STXBP4: variants seen among roughly 807,000 people sequenced by gnomAD.
STXBP4 encodes the protein syntaxin-binding protein 4.
A neutral mutation model predicts 76.1 loss-of-function variants in STXBP4; 55 were observed. The ratio of observed to expected loss-of-function variants is 0.72; its 90% CI spans 0.58 to 0.91. The LOEUF is 0.91. Among genes scored for constraint, STXBP4 ranks in the 40% least tolerant of loss-of-function variants. The pLI is 0.00. For synonymous variants in STXBP4, 201 were observed against 220.2 expected, an observed-to-expected ratio of 0.91 and a Z score of 0.77; for missense variants, 618 against 636.9, an observed-to-expected ratio of 0.97 and a Z score of 0.32.
intron 12 of STXBP4, among the ~76,000 whole-genome samples, chr17:55,061,507 A>T (rs2078994498): frequency 6.6e-6 from 1 of 152,196 alleles, no homozygotes; most frequent in Admixed American, 6.5e-5. Context: ...TTCTAAAAGC[A>T]TGCTGTAGTA....
intron 16 of STXBP4, among the ~76,000 whole-genome samples, chr17:55,086,355 G>A (rs1054812902): frequency 6.6e-6 from 1 of 152,082 alleles, no homozygotes; most frequent in Non-Finnish European, 1.5e-5. Flanking sequence ...AGAGTAACTA[G>A]CATATCTATC....
the STXBP4 span, among the ~76,000 whole-genome samples, chr17:55,201,339 T>C: frequency 6.6e-6 from 1 of 151,930 alleles, no homozygotes; most frequent in Non-Finnish European, 1.5e-5. Context: ...GTGAGTATTA[T>C]GTTTTATTCA....
chr17:55,043,323 A>C lies in STXBP4; in HGVS notation c.943A>C (p.Lys315Gln). Residue 315 changes from lysine to glutamine, a missense_variant and splice_region_variant, in exon 11 of 18, where the codon AAG (lysine) becomes CAG (glutamine). By Grantham distance (53) the Lys-to-Gln change is moderately conservative. Coordinates refer to ENST00000376352, the MANE Select transcript of STXBP4 (RefSeq NM_178509.6). ...DDALKEVNTL[K>Q]EKLLESDKQR... is the part of the protein sequence containing the mutation. ...TGCCTTGAAAGAAGTAAATACACTTAAGGTAACCTCTAATTTAGTTTCCTT... is the reference window on the plus strand; with the variant it reads ...TGCCTTGAAAGAAGTAAATACACTTCAGGTAACCTCTAATTTAGTTTCCTT... 6.8e-7 allele frequency: 1 copy of C among 1,479,012 alleles called. No individual in the cohort carries two copies. Among genetic ancestry groups the C allele is most frequent in the Non-Finnish European group, 9.0e-7 (1 of 1,105,834 alleles). The allele number at this position is 1,479,012 out of a possible 1,614,324, so 91.6% of individuals were successfully genotyped here. A position where few individuals can be genotyped will look rare whatever the true frequency, so the allele number is the denominator to read the frequency against.
chr17:55,188,564 C>T, the STXBP4 span, among the ~76,000 whole-genome samples: 1 of 152,208 alleles, frequency 6.6e-6, no homozygotes, highest in Non-Finnish European at 1.5e-5. Flanking sequence ...CTGCCACTAA[C>T]AGAAGGGCCC....
At chr17:55,146,390 T>G (rs2080153715) in intron 17 of STXBP4, among the ~76,000 whole-genome samples, 1 of 152,180 alleles carries the variant, frequency 6.6e-6, no homozygotes, top group Non-Finnish European at 1.5e-5. Flanking sequence ...TTGTAGTCAC[T>G]CTGTTAGCTA....
chr17:55,078,293 C>G (rs551298159), intron 14 of STXBP4, 99 bp downstream of exon 14: 27 of 781,548 alleles, frequency 3.5e-5, no homozygotes, highest in Non-Finnish European at 5.2e-5. Context: ...GAAACATTCT[C>G]TAGTCTCAAA....
At chr17:55,039,220 G>T (rs182521751) in intron 10 of STXBP4, among the ~76,000 whole-genome samples, 4 of 152,154 alleles carry the variant, frequency 2.6e-5, no homozygotes, top group Non-Finnish European at 5.9e-5. Flanking sequence ...ATTCATAACA[G>T]TTGGCATTTG....
chr17:55,096,307 C>T (rs1038485710), intron 16 of STXBP4, among the ~76,000 whole-genome samples: 1 of 152,156 alleles, frequency 6.6e-6, no homozygotes, highest in African/African-American at 2.4e-5. Context: ...AGGCACACAC[C>T]ACCACGCCTA....
intron 16 of STXBP4, among the ~76,000 whole-genome samples, chr17:55,129,274 C>A (rs1360504646): frequency 6.6e-6 from 1 of 152,102 alleles, no homozygotes; most frequent in Non-Finnish European, 1.5e-5. Flanking sequence ...TCTGGCTTCT[C>A]ATTCTCCTGC....
Position 55,156,064 on chromosome 17 carries a change from T to C in STXBP4, c.1548-3733T>C, listed in dbSNP as rs529493866. Among the ~76,000 whole-genome samples the C allele has an allele frequency of 1.4e-4, 22 of 152,308 alleles. No homozygotes were observed. In the South Asian group the frequency reaches 4.1e-3, roughly 29 times the overall value. ...ATATATCTGAAGTGCTGTTGACTGC[T>C]CTCCAAATCAGGTCAGATGCACTGT... On this transcript the variant is annotated intron_variant, in intron 17 of 17. Transcript: ENST00000376352.
At chr17:55,014,798 G>A (rs1305027032) in intron 8 of STXBP4, among the ~76,000 whole-genome samples, 4 of 152,136 alleles carry the variant, frequency 2.6e-5, no homozygotes, top group African/African-American at 9.7e-5. Flanking sequence ...CTTTTTTAAA[G>A]TGTCCTCGTA....
At chr17:55,182,540 A>C in the STXBP4 span, among the ~76,000 whole-genome samples, 2 of 152,176 alleles carry the variant, frequency 1.3e-5, no homozygotes, top group African/African-American at 4.8e-5. Flanking sequence ...GTTAGAAAAA[A>C]TATTTGAATA....
chr17:54,986,388 G>T, intron 3 of STXBP4, 122 bp downstream of exon 3: 1 of 650,892 alleles, frequency 1.5e-6, no homozygotes, highest in Non-Finnish European at 2.7e-6. Flanking sequence ...GCAGCAATGA[G>T]TAGTGAGTAA....
At chr17:55,004,796 G>A (rs1192777725) in intron 7 of STXBP4, among the ~76,000 whole-genome samples, 1 of 151,770 alleles carries the variant, frequency 6.6e-6, no homozygotes, top group Admixed American at 6.6e-5. Flanking sequence ...GAAAAGAAGT[G>A]GGGAGAAGGA....
At chr17:55,182,263 G>A in the STXBP4 span, among the ~76,000 whole-genome samples, 11 of 152,010 alleles carry the variant, frequency 7.2e-5, no homozygotes, top group African/African-American at 2.2e-4. Context: ...CGAGATTTTG[G>A]CAGATAATTG....
chr17:55,074,652 A>G (rs2079158832), intron 13 of STXBP4, among the ~76,000 whole-genome samples: 1 of 152,032 alleles, frequency 6.6e-6, no homozygotes, highest in South Asian at 2.1e-4. Context: ...GTTATTTGTA[A>G]TCTCTCTTCC....
At chr17:55,088,682 C>G (rs2079371455) in intron 16 of STXBP4, among the ~76,000 whole-genome samples, 1 of 152,138 alleles carries the variant, frequency 6.6e-6, no homozygotes, top group Non-Finnish European at 1.5e-5. Context: ...CAGGCGTGAG[C>G]CACCGTGCCA....
chr17:55,097,376 G>A (rs2079500299), intron 16 of STXBP4, among the ~76,000 whole-genome samples: 1 of 152,172 alleles, frequency 6.6e-6, no homozygotes, highest in Admixed American at 6.6e-5. Context: ...AAAATTGCCT[G>A]TAGTTGACCG....
chr17:55,054,790 G>T (rs1260770730), intron 12 of STXBP4, among the ~76,000 whole-genome samples: 1 of 152,112 alleles, frequency 6.6e-6, no homozygotes, highest in Admixed American at 6.6e-5. Flanking sequence ...AGGTGGAAAT[G>T]ATTTGTATTA....
Sources: allele counts gnomAD v4.1 joint callset (sites outside exome capture counted in the v4.1 genomes callset), GRCh38; gene constraint gnomAD v4.1.1; transcripts MANE v1.5; gene names NCBI Gene and HGNC (gene_info 2026-07-23, HGNC 2026-07-21).